The following TNIP1 variants were observed in gnomAD, a reference collection of about 807,000 sequenced individuals.
TNIP1 encodes TNFAIP3 interacting protein 1, also known as TNFAIP3-interacting protein 1.
In TNIP1, 22 loss-of-function variants were observed where a neutral mutation model predicts 86.6. The observed-to-expected ratio is 0.25, with a 90% CI of 0.18 to 0.36. The LOEUF is 0.36. Among genes scored for constraint, TNIP1 ranks in the 10% least tolerant of loss-of-function variants. The pLI, the probability that TNIP1 is intolerant of heterozygous loss-of-function variation, is 1.00. For synonymous variants in TNIP1, 294 were observed against 313.0 expected (o/e 0.94, Z 0.64); for missense variants, 709 against 820.6 (o/e 0.86, Z 1.66).
chr5:151,086,272 G>C (rs1247450066), intron 1 of TNIP1, among the ~76,000 whole-genome samples: 3 of 152,192 alleles, frequency 2.0e-5, no homozygotes, highest in African/African-American at 7.2e-5. Context: ...AAATTAAATA[G>C]AATTTTAGTC....
upstream of TNIP1, among the ~76,000 whole-genome samples, chr5:151,085,321 C>T (rs1423472051): frequency 2.0e-5 from 3 of 152,146 alleles, no homozygotes; most frequent in Admixed American, 6.5e-5. Flanking sequence ...TGAAAGGTAG[C>T]GATGATCATT....
At position 151,048,062 on chromosome 5, in the gene TNIP1, G is replaced by A. The variant is rs564231230; in HGVS notation, c.846+1762C>T. Among the ~76,000 whole-genome samples, 77 of 152,338 alleles carry A rather than the reference G, an allele frequency of 5.1e-4. 1 individual carries two copies. The highest frequency in any genetic ancestry group is 1.8e-3 in the African/African-American group (75 of 41,582). ...ACCATAGCACCAAGGAGCAAGGTGA[G>A]GGGGAGCCCTCCAAGGAAGGTCACC... On this transcript the variant is annotated intron_variant, in intron 8 of 17. Transcript: ENST00000521591.
chr5:151,069,710 G>A (rs1297279787), intron 1 of TNIP1, among the ~76,000 whole-genome samples: 1 of 152,156 alleles, frequency 6.6e-6, no homozygotes, highest in African/African-American at 2.4e-5. Flanking sequence ...GGCAGAGGGG[G>A]TATAGGGAAG....
intron 1 of TNIP1, among the ~76,000 whole-genome samples, chr5:151,078,082 G>A (rs975605420): frequency 2.0e-5 from 3 of 152,122 alleles, no homozygotes; most frequent in Admixed American, 2.0e-4. Context: ...ATGCCAATCC[G>A]ACTCATTTGG....
chr5:151,082,554 A>C (rs1258553649), upstream of TNIP1, among the ~76,000 whole-genome samples: 1 of 152,040 alleles, frequency 6.6e-6, no homozygotes, highest in Non-Finnish European at 1.5e-5. Flanking sequence ...CCCAACCCAC[A>C]TCTTCTCCAC....
rs112217092 is a variant in TNIP1 at position 151,035,494 on chromosome 5, C to T, written c.1521+88G>A. On this transcript the variant is annotated intron_variant, in intron 14 of 17. Coordinates refer to ENST00000521591, the MANE Select transcript of TNIP1 (RefSeq NM_006058.5). ...TGGAGAGAAGCAGTGAGGGTCCTGA[C>T]ATCCAGCCTCACCAGGGCCCTCCAA... The T allele has an allele frequency of 5.0e-5, 80 of 1,586,700 alleles. No homozygotes were observed. In the African/African-American group the frequency reaches 9.9e-4, roughly 20 times the overall value.
chr5:151,055,849 T>C (rs1202399361), intron 6 of TNIP1, among the ~76,000 whole-genome samples: 2 of 152,160 alleles, frequency 1.3e-5, no homozygotes, highest in African/African-American at 4.8e-5. Context: ...GGCACTCAGA[T>C]CACGAGCAGT....
At chr5:151,048,168 TCAA>T (rs962673954) in intron 8 of TNIP1, among the ~76,000 whole-genome samples, 7 of 152,018 alleles carry the variant, frequency 4.6e-5, no homozygotes, top group African/African-American at 1.7e-4. Flanking sequence ...AGCAAAAAGG[TCAA>T]CAAGTTACCG....
At position 151,052,216 on chromosome 5, in the gene TNIP1, G is replaced by A. The variant is rs556079317; in HGVS notation, c.671C>T (p.Ala224Val). Residue 224 changes from alanine (A) to valine (V), a missense_variant, in exon 7 of 18, where the codon GCC becomes GTC. Physicochemically the swap from Ala to Val is moderately conservative, Grantham distance 64. Coordinates refer to ENST00000521591, the MANE Select transcript of TNIP1 (RefSeq NM_006058.5). Reference protein sequence around the residue: ...QLRKENEALKAKLDKGLEQRD... With the variant: ...QLRKENEALKVKLDKGLEQRD... ...CTGTTCCAGGCCCTTATCCAACTTG[G>A]CCTTCAGAGCCTCGTTCTCCTTCCG... is the stretch of plus-strand genomic sequence containing the variant. 4 of 1,614,044 alleles carry A rather than the reference G, an allele frequency of 2.5e-6. No individual in the cohort carries two copies. In the African/African-American group the frequency reaches 5.3e-5, roughly 22 times the overall value.
chr5:151,057,174 C>T (rs1026469931), intron 5 of TNIP1, among the ~76,000 whole-genome samples: 1 of 152,236 alleles, frequency 6.6e-6, no homozygotes, highest in African/African-American at 2.4e-5. Flanking sequence ...TCCACAGCAG[C>T]GGGGCCACCA....
At chr5:151,060,229 G>A in intron 5 of TNIP1, 89 bp downstream of exon 5, 1 of 1,414,478 alleles carries the variant, frequency 7.1e-7, no homozygotes, top group Non-Finnish European at 9.9e-7. Context: ...TAAGGGATCT[G>A]AACAGGTTCT....
intron 5 of TNIP1, among the ~76,000 whole-genome samples, chr5:151,059,034 G>A (rs576254413): frequency 6.7e-4 from 102 of 152,326 alleles, no homozygotes; most frequent in African/African-American, 2.4e-3. Flanking sequence ...CCACAAAGGA[G>A]CTGAGGTGGC....
chr5:151,085,688 G>A (rs896233065), upstream of TNIP1, among the ~76,000 whole-genome samples: 97 of 152,154 alleles, frequency 6.4e-4, no homozygotes, highest in African/African-American at 2.2e-3. Context: ...CCACTCCAGC[G>A]TCTCTCCCCC....
At chr5:151,062,799 G>A (rs180947285) in intron 3 of TNIP1, among the ~76,000 whole-genome samples, 2 of 152,338 alleles carry the variant, frequency 1.3e-5, no homozygotes, top group East Asian at 3.9e-4. Context: ...GGCTGGAAAT[G>A]CCCACTGACT....
intron 1 of TNIP1, among the ~76,000 whole-genome samples, chr5:151,070,365 C>T (rs1762699742): frequency 6.6e-6 from 1 of 152,240 alleles, no homozygotes; most frequent in Non-Finnish European, 1.5e-5. Flanking sequence ...GGCAACCCCA[C>T]AACTGTGCCC....
chr5:151,034,441 A>T (rs371620688), intron 15 of TNIP1: 28 of 278,930 alleles, frequency 1.0e-4, no homozygotes, highest in Middle Eastern at 1.4e-3. Flanking sequence ...TGGGCACGGA[A>T]GGCTGGGCAC....
At chr5:151,062,888 T>C (rs561136877) in intron 3 of TNIP1, among the ~76,000 whole-genome samples, 2 of 152,384 alleles carry the variant, frequency 1.3e-5, no homozygotes, top group East Asian at 3.9e-4. Flanking sequence ...AATAGAAGGC[T>C]GTCACATTGG....
At chr5:151,041,635 A>C (rs1758426757) in intron 11 of TNIP1, among the ~76,000 whole-genome samples, 1 of 152,230 alleles carries the variant, frequency 6.6e-6, no homozygotes, top group Admixed American at 6.5e-5. Context: ...CCAAAGTGCC[A>C]GGATCATAGG....
At chr5:151,074,185 G>T (rs910125138) in intron 1 of TNIP1, among the ~76,000 whole-genome samples, 28 of 151,986 alleles carry the variant, frequency 1.8e-4, no homozygotes, top group Admixed American at 1.8e-3. Context: ...GTTTTGGGGG[G>T]TTTTTCCCCA....
Sources: gnomAD v4.1 joint callset for allele counts (sites outside exome capture counted in the v4.1 genomes callset) on GRCh38, gnomAD v4.1.1 for gene constraint, MANE v1.5 for transcripts, NCBI Gene and HGNC (gene_info 2026-07-23, HGNC 2026-07-21) for gene names.